Variants in HPRT1 observed in about 807,000 individuals in gnomAD.
HPRT1 encodes the protein hypoxanthine phosphoribosyltransferase 1.
Under a neutral mutation model 19.0 loss-of-function variants are expected in HPRT1, and 4 were observed. The ratio of observed to expected loss-of-function variants is 0.21; its 90% confidence interval spans 0.10 to 0.48. The LOEUF is 0.48. Ranked by LOEUF, HPRT1 falls within the 20% of genes least tolerant of loss-of-function variation. The probability of loss-of-function intolerance (pLI) is 0.98; values close to 1 mark genes in which losing one functional copy is unlikely to be tolerated. For missense variants in HPRT1, 65 were observed against 164.0 expected (o/e 0.40, Z 3.30); for synonymous variants, 53 against 54.9 (o/e 0.97, Z 0.15).
intron 4 of HPRT1, 95 bp from the exon 5 acceptor site, chrX:134,490,093 G>T: frequency 4.0e-6 from 2 of 498,461 alleles, no homozygotes; most frequent in Non-Finnish European, 6.7e-6. Flanking sequence ...CAAGAGTTTG[G>T]ATAATTCCTT....
At chrX:134,472,611 G>C (rs1379743254) in intron 1 of HPRT1, among the ~76,000 whole-genome samples, 1 of 111,592 alleles carries the variant, frequency 9.0e-6, no homozygotes, top group Non-Finnish European at 1.9e-5. Context: ...TTGTCCCCCA[G>C]GCTGGAGTGC....
At chrX:134,489,332 T>C (rs1240572476) in intron 4 of HPRT1, among the ~76,000 whole-genome samples, 1 of 111,760 alleles carries the variant, frequency 8.9e-6, no homozygotes, top group Non-Finnish European at 1.9e-5. Context: ...GGTAAAAAAT[T>C]TAAAAGTTCT....
chrX:134,473,308 ATGTT>A (rs2077615438), intron 1 of HPRT1, 47 bp from the exon 2 acceptor site: 2 of 754,552 alleles, frequency 2.7e-6, no homozygotes, highest in Admixed American at 4.5e-5. Flanking sequence ...ATCCAATCAA[ATGTT>A]TGTATCCTGT....
At chrX:134,465,909 TAC>T (rs2077595690) in intron 1 of HPRT1, among the ~76,000 whole-genome samples, 1 of 111,590 alleles carries the variant, frequency 9.0e-6, no homozygotes, top group African/African-American at 3.3e-5. Flanking sequence ...CCCAAAGCCA[TAC>T]AGGACCTTTT....
intron 4 of HPRT1, among the ~76,000 whole-genome samples, chrX:134,489,568 C>T (rs940434610): frequency 4.5e-5 from 5 of 111,008 alleles, no homozygotes; most frequent in African/African-American, 1.6e-4. Context: ...AGGACTTTCT[C>T]GATTTTGAGG....
rs1191557450 is a variant in HPRT1, at chrX:134,480,609, A to AT, written c.318+5249dup. On this transcript the variant is annotated intron_variant, in intron 3 of 8. Coordinates refer to ENST00000298556, the MANE Select transcript of HPRT1 (RefSeq NM_000194.3). ...CAAGTGCGTGCCATCACCCATGGCT[A>AT]TTTTAAAAAAAAAAAAAATTGTAGA... Among the ~76,000 whole-genome samples, 14 of 97,299 alleles carry AT rather than the reference A, an allele frequency of 1.4e-4. No homozygotes were observed. In the East Asian group the frequency reaches 4.5e-3, roughly 32 times the overall value. The allele number at this position is 97,299 out of a possible 115,157, so 84.5% of individuals were successfully genotyped here.
chrX:134,476,492 G>A (rs894204172), intron 3 of HPRT1, among the ~76,000 whole-genome samples: 1 of 111,927 alleles, frequency 8.9e-6, no homozygotes, highest in Non-Finnish European at 1.9e-5. Context: ...ATTGATTGAT[G>A]GTTTACAGTA....
chrX:134,486,577 A>G, intron 4 of HPRT1, 47 bp downstream of exon 4: 1 of 724,851 alleles, frequency 1.4e-6, no homozygotes, highest in Non-Finnish European at 2.2e-6. Context: ...ATACCGAGTC[A>G]ATTAGTAACA....
Position 134,500,261 on chromosome X carries a change from C to A in HPRT1, c.*184C>A. ...TGCATTCCTAAACTGTTTATTTGCA[C>A]TATGAGCCTATAGACTATCAGTTCC... On this transcript the variant is annotated 3_prime_UTR_variant, in exon 9 of 9. Coordinates refer to ENST00000298556, the MANE Select transcript of HPRT1 (RefSeq NM_000194.3). 1 of 439,279 alleles carries A rather than the reference C, an allele frequency of 2.3e-6. No homozygotes were observed. 36.2% of individuals were successfully genotyped at this position (439,279 alleles called of 1,213,427 possible).
chrX:134,462,452 G>A (rs2077587008), intron 1 of HPRT1, among the ~76,000 whole-genome samples: 2 of 112,173 alleles, frequency 1.8e-5, no homozygotes, highest in Middle Eastern at 4.6e-3. Flanking sequence ...AAAGTGCTGG[G>A]ATTACAGGCG....
chrX:134,490,273 G>T, intron 5 of HPRT1, 68 bp downstream of exon 5: 1 of 591,219 alleles, frequency 1.7e-6, no homozygotes, highest in Non-Finnish European at 2.7e-6. Context: ...CATCCTAAAG[G>T]TAAGCCAGGG....
At position 134,460,196 on chromosome X, in the gene HPRT1, G is replaced by T. The variant is rs1302224572; in HGVS notation, c.-116G>T. 5.2e-5 allele frequency: 42 copies of T among 815,367 alleles called. No individual in the cohort carries two copies. The highest frequency in any genetic ancestry group is 7.2e-5 in the Non-Finnish European group (42 of 585,818). The allele number at this position is 815,367 out of a possible 1,213,427, so 67.2% of individuals were successfully genotyped here. On this transcript the variant is annotated 5_prime_UTR_variant, in exon 1 of 9. Coordinates refer to ENST00000298556, the MANE Select transcript of HPRT1 (RefSeq NM_000194.3). Reference sequence around the variant, plus strand: ...AGGCGGCTGCGACGAGCCCTCAGGCGAACCTCTCGGCTTTCCCGCGCGGCG... The same window carrying T: ...AGGCGGCTGCGACGAGCCCTCAGGCTAACCTCTCGGCTTTCCCGCGCGGCG...
Position 134,460,214 on chromosome X carries a change from G to C in HPRT1, c.-98G>C. The C allele has an allele frequency of 1.1e-6, 1 of 952,289 alleles. No individual in the cohort carries two copies. The highest frequency in any genetic ancestry group is 1.4e-6 in the Non-Finnish European group (1 of 706,525). The allele number at this position is 952,289 out of a possible 1,213,427, so 78.5% of individuals were successfully genotyped here. A position where few individuals can be genotyped will look rare whatever the true frequency, so the allele number is the denominator to read the frequency against. ...CTCAGGCGAACCTCTCGGCTTTCCCGCGCGGCGCCGCCTCTTGCTGCGCCT... is the reference window on the plus strand; with the variant it reads ...CTCAGGCGAACCTCTCGGCTTTCCCCCGCGGCGCCGCCTCTTGCTGCGCCT... On this transcript the variant is annotated 5_prime_UTR_variant, in exon 1 of 9. Transcript: ENST00000298556.
chrX:134,470,648 A>G (rs1371515870), intron 1 of HPRT1, among the ~76,000 whole-genome samples: 1 of 111,739 alleles, frequency 8.9e-6, no homozygotes, highest in Non-Finnish European at 1.9e-5. Flanking sequence ...ATTGAATAGC[A>G]TGTGAGCTAG....
intron 4 of HPRT1, 132 bp from the exon 5 acceptor site, chrX:134,490,044 TGTTTAAAGGAGA>T (rs1346135263): frequency 2.4e-5 from 7 of 294,427 alleles, no homozygotes; most frequent in Non-Finnish European, 3.6e-5. Context: ...ATGGGCCACT[TGTTTAAAGGAGA>T]GTTTGATATA....
At chrX:134,477,376 T>A (rs1332408625) in intron 3 of HPRT1, among the ~76,000 whole-genome samples, 2 of 110,689 alleles carry the variant, frequency 1.8e-5, no homozygotes, top group Non-Finnish European at 3.8e-5. Context: ...GTTAATTTTT[T>A]AAAAAAGGCT....
intron 3 of HPRT1, among the ~76,000 whole-genome samples, chrX:134,480,092 A>G (rs2077635283): frequency 9.0e-6 from 1 of 111,632 alleles, no homozygotes; most frequent in Non-Finnish European, 1.9e-5. Flanking sequence ...TGATATTAAA[A>G]TGAAATTATT....
At chrX:134,492,746 G>A (rs1441579143) in intron 5 of HPRT1, among the ~76,000 whole-genome samples, 1 of 111,981 alleles carries the variant, frequency 8.9e-6, no homozygotes, top group Non-Finnish European at 1.9e-5. Context: ...TCACATTCAA[G>A]GGGAGGGAAC....
chrX:134,460,787 C>T (rs1240378770), intron 1 of HPRT1, among the ~76,000 whole-genome samples: 1 of 109,803 alleles, frequency 9.1e-6, no homozygotes, highest in Non-Finnish European at 1.9e-5. Context: ...AAAGCGACCA[C>T]CTGGGAGGGC....
Sources: allele counts gnomAD v4.1 joint callset (sites outside exome capture counted in the v4.1 genomes callset), GRCh38; gene constraint gnomAD v4.1.1; transcripts MANE v1.5; gene names NCBI Gene and HGNC (gene_info 2026-07-23, HGNC 2026-07-21).